Variants in PTPRU observed in about 807,000 individuals in gnomAD.
The protein encoded by PTPRU is receptor-type tyrosine-protein phosphatase U.
A neutral mutation model predicts 166.3 loss-of-function variants in PTPRU; 69 were observed. That is an observed-to-expected ratio of 0.41 (90% CI 0.34 to 0.51). The LOEUF (loss-of-function observed/expected upper bound fraction) is 0.51. Among genes scored for constraint, PTPRU ranks in the 20% least tolerant of loss-of-function variants. The probability of loss-of-function intolerance (pLI) is 0.09; values close to 1 mark genes in which losing one functional copy is unlikely to be tolerated. For missense variants in PTPRU, 1,657 were observed against 2,013.7 expected, an observed-to-expected ratio of 0.82 and a Z score of 3.39; for synonymous variants, 793 against 814.0, an observed-to-expected ratio of 0.97 and a Z score of 0.44.
At chr1:29,239,153 C>T (rs1683923202) in intron 1 of PTPRU, among the ~76,000 whole-genome samples, 1 of 152,062 alleles carries the variant, frequency 6.6e-6, no homozygotes, top group Admixed American at 6.6e-5. Flanking sequence ...AGTTCCTGGC[C>T]CCCTTTGTTA....
In PTPRU at chr1:29,282,784, A is replaced by C; in HGVS notation, c.1977A>C (p.Arg659=). The C allele has an allele frequency of 6.2e-7, 1 of 1,614,096 alleles. No homozygotes were observed. Among genetic ancestry groups the C allele is most frequent in the Non-Finnish European group, 8.5e-7 (1 of 1,180,006 alleles). ...TGACCTTCGAGGCGGCGCTGGCCCG[A>C]GGCCTGGTGCACTACTTCGGGGCCG... ...VPLTFEAALA[R]GLVHYFGAEL... is the part of the protein sequence containing the mutation. The change falls in exon 12 of 30, where the codon CGA becomes CGC. Residue 659 remains arginine (R), a synonymous_variant. Transcript: ENST00000373779.
chr1:29,274,316 G>A (rs148696197), intron 7 of PTPRU, among the ~76,000 whole-genome samples: 3,134 of 152,322 alleles, frequency 0.021, 33 homozygotes, highest in Middle Eastern at 0.095. Context: ...TGGGATTATA[G>A]GCATGAGCCA....
chr1:29,238,150 C>G lies in PTPRU; in HGVS notation c.73+1433C>G, dbSNP rs559808907. Reference sequence around the variant, plus strand: ...GCGTTCTCCGGGTGTGTTTCGGAGTCTGGTGTCTTTGGTGTGCGTGCGCGT... The same window carrying G: ...GCGTTCTCCGGGTGTGTTTCGGAGTGTGGTGTCTTTGGTGTGCGTGCGCGT... On this transcript the variant is annotated intron_variant, in intron 1 of 29. Transcript: ENST00000373779. The surrounding 1 kb of genome is among the most constrained non-coding windows in gnomAD (Gnocchi z 6.1). Among the ~76,000 whole-genome samples, 3 of 151,994 alleles carry G rather than the reference C, an allele frequency of 2.0e-5. No individual in the cohort carries two copies. The South Asian group carries it at 6.2e-4, about 32-fold the overall frequency.
At chr1:29,318,883 A>G (rs945985790) in intron 25 of PTPRU, among the ~76,000 whole-genome samples, 2 of 152,226 alleles carry the variant, frequency 1.3e-5, no homozygotes, top group Admixed American at 1.3e-4. Flanking sequence ...GCGTCTCTCC[A>G]CGCGGAAATG....
intron 13 of PTPRU, 85 bp downstream of exon 13, chr1:29,284,061 G>GCGCTGGGGAGGTGGATC: frequency 6.5e-7 from 1 of 1,540,874 alleles, no homozygotes; most frequent in Admixed American, 1.7e-5. Flanking sequence ...AGGACCTACG[G>GCGCTGGGGAGGTGGATC]CTGTGGGAGT....
intron 1 of PTPRU, among the ~76,000 whole-genome samples, chr1:29,247,310 TC>T (rs1468081510): frequency 8.5e-5 from 13 of 152,236 alleles, no homozygotes; most frequent in Non-Finnish European, 1.3e-4. Flanking sequence ...ATGTGGCACT[TC>T]CATGGTGCAT....
intron 5 of PTPRU, 40 bp downstream of exon 5, chr1:29,259,604 A>AG (rs764347679): frequency 5.0e-5 from 14 of 282,244 alleles, no homozygotes; most frequent in Admixed American, 8.7e-5. Context: ...GCGGGGTGGG[A>AG]GGGGGTTGGT....
chr1:29,312,401 A>G lies in PTPRU; in HGVS notation c.3073-151A>G, dbSNP rs536260764. 13 of 745,664 alleles carry G rather than the reference A, an allele frequency of 1.7e-5. No individual in the cohort carries two copies. In the African/African-American group the frequency reaches 2.3e-4, roughly 13 times the overall value. The allele number at this position is 745,664 out of a possible 1,614,324, so 46.2% of individuals were successfully genotyped here. A position where few individuals can be genotyped will look rare whatever the true frequency, so the allele number is the denominator to read the frequency against. ...TTAGTTTTCTTGTTTGTACAATGGG[A>G]CATTAATACCTACTTCATCAGTAAA... On this transcript the variant is annotated intron_variant, in intron 21 of 29. Transcript: ENST00000373779.
chr1:29,260,981 G>C lies in PTPRU; in HGVS notation c.1144+78G>C. 7.1e-7 allele frequency: 1 copy of C among 1,412,926 alleles called. No individual in the cohort carries two copies. The highest frequency in any genetic ancestry group is 1.5e-5 in the African/African-American group (1 of 68,168). The allele number at this position is 1,412,926 out of a possible 1,614,324, so 87.5% of individuals were successfully genotyped here. ...GAGGGGCGCATTCGAGAGGTAGCGT[G>C]GCCTGTGCTTGTAAACCTTTCTAAA... On this transcript the variant is annotated intron_variant, in intron 7 of 29. Transcript: ENST00000373779. This position sits in a 1 kb window ranked among gnomAD's most constrained non-coding sequence, Gnocchi z 8.3.
At position 29,280,325 on chromosome 1, in the gene PTPRU, C is replaced by T. The variant is rs994356596; in HGVS notation, c.1868+184C>T. Among the ~76,000 whole-genome samples the T allele has an allele frequency of 2.0e-5, 3 of 152,212 alleles. No homozygotes were observed. Among genetic ancestry groups the T allele is most frequent in the East Asian group, 3.8e-4 (2 of 5,196 alleles). ...CAGGCAAGAAGCCTGCAGTCCCTCC[C>T]CTCTGAGGCCATGGGTCTCAGATGG... On this transcript the variant is annotated intron_variant, in intron 11 of 29. Coordinates refer to ENST00000373779, the MANE Select transcript of PTPRU (RefSeq NM_133178.4). The surrounding 1 kb of genome is among the most constrained non-coding windows in gnomAD (Gnocchi z 4.2).
chr1:29,278,317 T>G (rs1285643471), intron 8 of PTPRU, among the ~76,000 whole-genome samples: 2 of 152,210 alleles, frequency 1.3e-5, no homozygotes, highest in Non-Finnish European at 2.9e-5. Context: ...TGCTTTTCTC[T>G]GCCTTAGGAC....
chr1:29,266,274 C>T (rs887365708), intron 7 of PTPRU, among the ~76,000 whole-genome samples: 2 of 152,082 alleles, frequency 1.3e-5, no homozygotes, highest in Non-Finnish European at 2.9e-5. Context: ...GCTGGGATTA[C>T]AGGCATGAGC....
chr1:29,270,319 CT>C (rs1685504923), intron 7 of PTPRU, among the ~76,000 whole-genome samples: 1 of 151,846 alleles, frequency 6.6e-6, no homozygotes, highest in South Asian at 2.1e-4. Flanking sequence ...GTTTTTGTTT[CT>C]TTTTTTGACA....
At chr1:29,275,372 C>G in intron 7 of PTPRU, 76 bp from the exon 8 acceptor site, 1 of 1,418,600 alleles carries the variant, frequency 7.0e-7, no homozygotes. Context: ...CTGACTGATG[C>G]TTTCTCTCCC....
At chr1:29,301,951 T>C (rs1472601036) in intron 15 of PTPRU, among the ~76,000 whole-genome samples, 1 of 152,214 alleles carries the variant, frequency 6.6e-6, no homozygotes, top group African/African-American at 2.4e-5. Flanking sequence ...CCATAGTGTG[T>C]ATGTGCCACA....
rs1313338529 is a variant in PTPRU at position 29,315,014 on chromosome 1, G to A, written c.3228-358G>A. Among the ~76,000 whole-genome samples, 1 of 152,162 alleles carries A rather than the reference G, an allele frequency of 6.6e-6. No homozygotes were observed. Among genetic ancestry groups the A allele is most frequent in the Non-Finnish European group, 1.5e-5 (1 of 68,034 alleles). ...TGTGTGGGCTTTTCAAGGATGTGTA[G>A]GAGATTTGGTGGTTTTCAGGAGGAA... is the stretch of plus-strand genomic sequence containing the variant. On this transcript the variant is annotated intron_variant, in intron 22 of 29. Coordinates refer to ENST00000373779, the MANE Select transcript of PTPRU (RefSeq NM_133178.4). This position sits in a 1 kb window ranked among gnomAD's most constrained non-coding sequence, Gnocchi z 4.5.
chr1:29,248,726 A>G (rs1388398233), intron 1 of PTPRU, among the ~76,000 whole-genome samples: 1 of 152,112 alleles, frequency 6.6e-6, no homozygotes, highest in African/African-American at 2.4e-5. Context: ...ACACTGACAC[A>G]TACACGTATG....
At position 29,275,634 on chromosome 1, in the gene PTPRU, G is replaced by C. The variant is rs745651327; in HGVS notation, c.1331G>C (p.Gly444Ala). Reference sequence around the variant, plus strand: ...CGAGAGTGTGTGAAGACAGAGCAAGGTGTCAGCCGCTACACCATCAAGAAC... The same window carrying C: ...CGAGAGTGTGTGAAGACAGAGCAAGCTGTCAGCCGCTACACCATCAAGAAC... The part of the protein sequence containing the change: ...TIRECVKTEQ[G>A]VSRYTIKNLL... Residue 444 changes from glycine to alanine, a missense_variant, in exon 8 of 30, where the codon GGT becomes GCT. Physicochemically the swap from Gly to Ala is moderately conservative, Grantham distance 60 (BLOSUM62 0). Coordinates refer to ENST00000373779, the MANE Select transcript of PTPRU (RefSeq NM_133178.4). The C allele has an allele frequency of 6.2e-7, 1 of 1,614,172 alleles. No individual in the cohort carries two copies. The highest frequency in any genetic ancestry group is 8.5e-7 in the Non-Finnish European group (1 of 1,180,034).
In PTPRU at chr1:29,315,261, C is replaced by G. The variant is rs775650077; in HGVS notation, c.3228-111C>G. On this transcript the variant is annotated intron_variant, in intron 22 of 29. Transcript: ENST00000373779. This position sits in a 1 kb window ranked among gnomAD's most constrained non-coding sequence, Gnocchi z 4.5. ...CGGGGAGGGGCAGTCATCTCTGTGT[C>G]CGTGTCCCCTGTATGGTGTAGACAT... 7.3e-7 allele frequency: 1 copy of G among 1,363,114 alleles called. No individual in the cohort carries two copies. The highest frequency in any genetic ancestry group is 1.4e-5 in the African/African-American group (1 of 69,676). 84.4% of individuals were successfully genotyped at this position (1,363,114 alleles called of 1,614,324 possible).
Sources: gnomAD v4.1 joint callset for allele counts (sites outside exome capture counted in the v4.1 genomes callset) on GRCh38, gnomAD v4.1.1 for gene constraint, Gnocchi (gnomAD v3.1) non-coding constraint, MANE v1.5 for transcripts, NCBI Gene and HGNC (gene_info 2026-07-23, HGNC 2026-07-21) for gene names.